Variants in PPP1R12B observed in about 807,000 individuals in gnomAD.
PPP1R12B encodes the protein protein phosphatase 1 regulatory subunit 12B.
A neutral mutation model predicts 126.1 loss-of-function variants in PPP1R12B; 76 were observed. The ratio of observed to expected loss-of-function variants is 0.60; its 90% CI spans 0.50 to 0.73. The LOEUF is 0.73. Among genes scored for constraint, PPP1R12B ranks in the 30% least tolerant of loss-of-function variants. The probability of loss-of-function intolerance (pLI) is 0.00; values close to 1 mark genes in which losing one functional copy is unlikely to be tolerated. For missense variants in PPP1R12B, 1,052 were observed against 1,205.1 expected, an observed-to-expected ratio of 0.87 and a Z score of 1.88; for synonymous variants, 356 against 434.7, an observed-to-expected ratio of 0.82 and a Z score of 2.25.
intron 18 of PPP1R12B, among the ~76,000 whole-genome samples, chr1:202,504,934 T>G (rs922207393): frequency 1.3e-5 from 2 of 152,262 alleles, no homozygotes; most frequent in Admixed American, 6.5e-5. Context: ...TAAATTATTT[T>G]CCAAATCTAC....
chr1:202,580,521 T>C lies in PPP1R12B; in HGVS notation c.2910T>C (p.Asn970=), dbSNP rs762076698. 13 of 1,613,910 alleles carry C rather than the reference T, an allele frequency of 8.1e-6. No individual in the cohort carries two copies. The highest frequency in any genetic ancestry group is 9.3e-6 in the Non-Finnish European group (11 of 1,179,936). The part of the protein sequence containing the change: ...KSDNQRLKDE[N]GALIRVISKL... Reference sequence around the variant, plus strand: ...ACAACCAGAGGCTGAAAGATGAAAATGGTGCCCTCATCAGAGTCATCAGCA... The same window carrying C: ...ACAACCAGAGGCTGAAAGATGAAAACGGTGCCCTCATCAGAGTCATCAGCA... The change falls in exon 24 of 24, where the codon AAT becomes AAC. Residue 970 remains asparagine (N), a synonymous_variant. Transcript: ENST00000608999.
At chr1:202,497,228 C>A (rs1471080886) in intron 18 of PPP1R12B, among the ~76,000 whole-genome samples, 2 of 152,192 alleles carry the variant, frequency 1.3e-5, no homozygotes, top group Non-Finnish European at 2.9e-5. Context: ...AGACAGTCCC[C>A]AAGTCATTTA....
chr1:202,580,824 G>A lies in PPP1R12B; in HGVS notation c.*264G>A. On this transcript the variant is annotated 3_prime_UTR_variant, in exon 24 of 24. Coordinates refer to ENST00000608999, the MANE Select transcript of PPP1R12B (RefSeq NM_002481.4). ...ATTCGAGCCATCTGGAGAATGCTCT[G>A]GGGAGTACACCAGGCTCAGCTGTGG... 1 of 407,274 alleles carries A rather than the reference G, an allele frequency of 2.5e-6. No homozygotes were observed. Among genetic ancestry groups the A allele is most frequent in the East Asian group, 4.7e-5 (1 of 21,344 alleles). 25.2% of individuals were successfully genotyped at this position (407,274 alleles called of 1,614,324 possible). A position where few individuals can be genotyped will look rare whatever the true frequency, so the allele number is the denominator to read the frequency against.
chr1:202,365,301 A>G (rs1406231912), intron 1 of PPP1R12B, among the ~76,000 whole-genome samples: 1 of 152,040 alleles, frequency 6.6e-6, no homozygotes, highest in East Asian at 1.9e-4. Flanking sequence ...TAAAAAAAAA[A>G]GCCAATTGTG....
chr1:202,554,625 G>A lies in PPP1R12B; in HGVS notation c.2491-4252G>A, dbSNP rs562728991. On this transcript the variant is annotated intron_variant, in intron 18 of 23. Transcript: ENST00000608999. ...TTAGAGATAGCAAGGAAAGATCAAG[G>A]ATTAACTTGCAAGCTCTATTTTCTC... Among the ~76,000 whole-genome samples, 6 of 152,130 alleles carry A rather than the reference G, an allele frequency of 3.9e-5. No individual in the cohort carries two copies. The South Asian group carries it at 1.0e-3, about 26-fold the overall frequency.
At chr1:202,447,803 G>A (rs1672463991) in intron 12 of PPP1R12B, among the ~76,000 whole-genome samples, 1 of 152,146 alleles carries the variant, frequency 6.6e-6, no homozygotes, top group Non-Finnish European at 1.5e-5. Context: ...TGTGTGTCTA[G>A]CTAATTTTAT....
intron 18 of PPP1R12B, among the ~76,000 whole-genome samples, chr1:202,545,941 C>T (rs1685610626): frequency 6.6e-6 from 1 of 152,184 alleles, no homozygotes; most frequent in Non-Finnish European, 1.5e-5. Flanking sequence ...TCACGTGAGG[C>T]TTAGTATATA....
At chr1:202,405,289 A>G (rs1255197381) in intron 1 of PPP1R12B, among the ~76,000 whole-genome samples, 2 of 152,138 alleles carry the variant, frequency 1.3e-5, no homozygotes, top group South Asian at 2.1e-4. Context: ...GCCCTGGCCC[A>G]TTGTTTTTCC....
intron 13 of PPP1R12B, among the ~76,000 whole-genome samples, chr1:202,487,502 AAAG>A (rs1368616543): frequency 1.3e-5 from 2 of 152,276 alleles, no homozygotes; most frequent in Non-Finnish European, 2.9e-5. Flanking sequence ...GAAGGATAGG[AAAG>A]AAGAAATAAA....
intron 18 of PPP1R12B, among the ~76,000 whole-genome samples, chr1:202,509,327 C>A (rs952378491): frequency 6.6e-6 from 1 of 152,138 alleles, no homozygotes; most frequent in Non-Finnish European, 1.5e-5. Flanking sequence ...GTAAAACTTC[C>A]TGAATGAGAA....
chr1:202,376,289 T>C lies in PPP1R12B; in HGVS notation c.291+27147T>C, dbSNP rs375312910. On this transcript the variant is annotated intron_variant, in intron 1 of 23. Transcript: ENST00000608999. ...AATTAGGAATTTGATAGCATGTTCT[T>C]ACATCTTTTAAAGACCAAGAGAACT... Among the ~76,000 whole-genome samples the C allele has an allele frequency of 4.3e-4, 66 of 152,362 alleles. 1 individual carries two copies. In the East Asian group the frequency reaches 0.011, roughly 25 times the overall value.
At chr1:202,485,081 G>A (rs1358393031) in intron 13 of PPP1R12B, among the ~76,000 whole-genome samples, 4 of 152,194 alleles carry the variant, frequency 2.6e-5, no homozygotes. Flanking sequence ...GGTTCAGCTG[G>A]CCAGCTAGCT....
Position 202,396,638 on chromosome 1 carries a change from T to G in PPP1R12B, c.292-20149T>G, listed in dbSNP as rs75845576. On this transcript the variant is annotated intron_variant, in intron 1 of 23. Transcript: ENST00000608999. ...TATTACTTTTTTGAGACAAAGTCCC[T>G]CTTTGTCACTCAGACTGAAGTGCAG... is the stretch of plus-strand genomic sequence containing the variant. 3.8e-3 allele frequency among the ~76,000 whole-genome samples: 578 copies of G among 152,318 alleles called. 6 individuals are homozygous for G. The highest frequency in any genetic ancestry group is 0.013 in the African/African-American group (555 of 41,566).
intron 18 of PPP1R12B, among the ~76,000 whole-genome samples, chr1:202,519,497 C>T (rs760674787): frequency 2.6e-5 from 4 of 152,050 alleles, no homozygotes; most frequent in East Asian, 1.9e-4. Flanking sequence ...ATCTCAAGCT[C>T]CTGGCCTCAA....
At position 202,588,296 on chromosome 1, in the gene PPP1R12B, A is replaced by ACTT. The variant is rs1689946160; in HGVS notation, c.*7738_*7740dup. The ACTT allele has an allele frequency of 6.6e-6, 1 of 152,542 alleles. No homozygotes were observed. The highest frequency in any genetic ancestry group is 1.5e-5 in the Non-Finnish European group (1 of 68,032). 9.4% of individuals were successfully genotyped at this position (152,542 alleles called of 1,614,324 possible). ...TTTTTCAGCTGAGTTGTATGGATTA[A>ACTT]CTTCAGTCCACTGTAAATACACCTG... On this transcript the variant is annotated 3_prime_UTR_variant, in exon 24 of 24. Coordinates refer to ENST00000608999, the MANE Select transcript of PPP1R12B (RefSeq NM_002481.4).
At chr1:202,483,794 C>G (rs2148825299) in intron 13 of PPP1R12B, among the ~76,000 whole-genome samples, 1 of 152,288 alleles carries the variant, frequency 6.6e-6, no homozygotes, top group African/African-American at 2.4e-5. Flanking sequence ...TCTGGGCGCT[C>G]TGGTCTTGGA....
intron 18 of PPP1R12B, among the ~76,000 whole-genome samples, chr1:202,509,059 G>A (rs1681134537): frequency 6.6e-6 from 1 of 152,250 alleles, no homozygotes; most frequent in African/African-American, 2.4e-5. Context: ...CCGGTGGACT[G>A]GATTTGGCCT....
chr1:202,539,096 C>G (rs1244530157), intron 18 of PPP1R12B, among the ~76,000 whole-genome samples: 1 of 152,166 alleles, frequency 6.6e-6, no homozygotes, highest in Non-Finnish European at 1.5e-5. Context: ...CATTAAGGGC[C>G]TGAAGGTGCT....
chr1:202,441,891 C>CT (rs1359638799), intron 11 of PPP1R12B, among the ~76,000 whole-genome samples: 1 of 151,982 alleles, frequency 6.6e-6, no homozygotes, highest in African/African-American at 2.4e-5. Flanking sequence ...AAGTCTCACT[C>CT]TGTCGCCCAG....
Sources: allele counts gnomAD v4.1 joint callset (sites outside exome capture counted in the v4.1 genomes callset), GRCh38; gene constraint gnomAD v4.1.1; transcripts MANE v1.5; gene names NCBI Gene and HGNC (gene_info 2026-07-23, HGNC 2026-07-21).